Variants in GINS1 observed in about 807,000 individuals in gnomAD.
The protein encoded by GINS1 is GINS complex subunit 1, also known as DNA replication complex GINS protein PSF1.
Under a neutral mutation model 34.9 loss-of-function variants are expected in GINS1, and 26 were observed. The observed-to-expected ratio is 0.74, with a 90% CI of 0.55 to 1.03. GINS1 has a LOEUF of 1.03. Ranked by LOEUF, GINS1 falls within the 50% of genes least tolerant of loss-of-function variation. The pLI is 0.00. For missense variants in GINS1, 235 were observed against 237.9 expected (o/e 0.99, Z 0.08); for synonymous variants, 97 against 84.4 (o/e 1.15, Z -0.82).
chr20:25,444,530 T>C (rs954148770), intron 6 of GINS1, among the ~76,000 whole-genome samples: 1 of 152,196 alleles, frequency 6.6e-6, no homozygotes, highest in African/African-American at 2.4e-5. Flanking sequence ...CATGGGTCTC[T>C]TGCCAGGCCT....
Position 25,412,078 on chromosome 20 carries a change from A to G in GINS1, c.76-1712A>G, listed in dbSNP as rs1002136291. Among the ~76,000 whole-genome samples, 4 of 152,216 alleles carry G rather than the reference A, an allele frequency of 2.6e-5. No homozygotes were observed. The East Asian group carries it at 7.7e-4, about 29-fold the overall frequency. ...AGCTGAGATCGCACTACTGCACTCC[A>G]ACCTGGGCCACAGAGTGAGACTTCA... On this transcript the variant is annotated intron_variant, in intron 1 of 6. Transcript: ENST00000262460.
At chr20:25,418,321 G>A in intron 4 of GINS1, 126 bp downstream of exon 4, 1 of 671,218 alleles carries the variant, frequency 1.5e-6, no homozygotes, top group Non-Finnish European at 2.7e-6. Flanking sequence ...TTTTTGGCTG[G>A]TATTTAGTAT....
intron 1 of GINS1, chr20:25,413,475 T>A (rs1186455240): frequency 6.1e-5 from 15 of 247,662 alleles, no homozygotes; most frequent in Non-Finnish European, 2.3e-5. Context: ...ATGTGTTTTC[T>A]GTTTTCTTGA....
intron 5 of GINS1, among the ~76,000 whole-genome samples, chr20:25,432,320 T>C (rs960695143): frequency 6.6e-6 from 1 of 152,086 alleles, no homozygotes; most frequent in Admixed American, 6.5e-5. Context: ...TTCTTTCTTT[T>C]TTTTTTTTGA....
chr20:25,433,118 C>T (rs1019967392), intron 5 of GINS1, among the ~76,000 whole-genome samples: 12 of 151,894 alleles, frequency 7.9e-5, no homozygotes, highest in African/African-American at 2.9e-4. Flanking sequence ...TTTGTTTAAT[C>T]CATTCTGCTA....
chr20:25,417,159 C>A lies in GINS1; in HGVS notation c.196C>A (p.His66Asn). 6.2e-7 allele frequency: 1 copy of A among 1,600,706 alleles called. No homozygotes were observed. Among genetic ancestry groups the A allele is most frequent in the Non-Finnish European group, 8.6e-7 (1 of 1,168,304 alleles). The change falls in exon 3 of 7, where the codon CAC becomes AAC. Residue 66 changes from histidine to asparagine, a missense_variant. Coordinates refer to ENST00000262460, the MANE Select transcript of GINS1 (RefSeq NM_021067.5). Reference protein sequence around the residue: ...SDLIPTIKFRHCSLLRNRRCT... With the variant: ...SDLIPTIKFRNCSLLRNRRCT... ...TTTGATACCAACTATCAAATTTCGA[C>A]ACTGTTCTCTGTTAAGAAATCGACG...
intron 4 of GINS1, among the ~76,000 whole-genome samples, chr20:25,423,892 G>A (rs1198005830): frequency 6.6e-6 from 1 of 152,098 alleles, no homozygotes; most frequent in Non-Finnish European, 1.5e-5. Flanking sequence ...GGGATTACAG[G>A]CGTGAGCCAC....
chr20:25,444,809 G>A (rs767980308), intron 6 of GINS1, among the ~76,000 whole-genome samples: 9 of 152,174 alleles, frequency 5.9e-5, no homozygotes, highest in Non-Finnish European at 8.8e-5. Context: ...CAATACCTGG[G>A]TACCGGCATC....
chr20:25,435,916 C>T (rs1280605211), intron 5 of GINS1, among the ~76,000 whole-genome samples: 1 of 150,800 alleles, frequency 6.6e-6, no homozygotes, highest in Admixed American at 6.6e-5. Flanking sequence ...GGGTTCATGC[C>T]ATTCTCCTGC....
chr20:25,424,920 G>A (rs1030978322), intron 4 of GINS1, among the ~76,000 whole-genome samples: 2 of 152,108 alleles, frequency 1.3e-5, no homozygotes, highest in Non-Finnish European at 2.9e-5. Flanking sequence ...TTCTGAAATG[G>A]CGTCTTTTTC....
intron 6 of GINS1, 150 bp downstream of exon 6, chr20:25,441,926 C>A: frequency 4.2e-6 from 2 of 476,716 alleles, no homozygotes; most frequent in South Asian, 4.0e-5. Flanking sequence ...TGTACTTTTT[C>A]TGAATATTAA....
rs1384006195 is a variant in GINS1, at chr20:25,417,160, A to C, written c.197A>C (p.His66Pro). Residue 66 changes from histidine (H) to proline (P), a missense_variant, in exon 3 of 7, where the codon CAC becomes CCC. His to Pro is a moderately conservative substitution (Grantham distance 77). Transcript: ENST00000262460. ...SDLIPTIKFR[H>P]CSLLRNRRCT... is the part of the protein sequence containing the mutation. ...TTGATACCAACTATCAAATTTCGAC[A>C]CTGTTCTCTGTTAAGAAATCGACGC... 3.1e-6 allele frequency: 5 copies of C among 1,601,558 alleles called. No homozygotes were observed. The highest frequency in any genetic ancestry group is 4.3e-6 in the Non-Finnish European group (5 of 1,169,056).
chr20:25,434,021 T>C (rs1408313242), intron 5 of GINS1, among the ~76,000 whole-genome samples: 3 of 151,982 alleles, frequency 2.0e-5, no homozygotes, highest in Non-Finnish European at 4.4e-5. Context: ...GTGGCTCTTA[T>C]GCCTGTAATC....
At chr20:25,420,035 G>A (rs1336667760) in intron 4 of GINS1, among the ~76,000 whole-genome samples, 2 of 152,096 alleles carry the variant, frequency 1.3e-5, no homozygotes, top group Admixed American at 1.3e-4. Context: ...ATTTCATATT[G>A]GGCATTGTTT....
At position 25,413,779 on chromosome 20, in the gene GINS1, A is replaced by T; in HGVS notation, c.76-11A>T. 2 of 1,520,572 alleles carry T rather than the reference A, an allele frequency of 1.3e-6. No individual in the cohort carries two copies. Among genetic ancestry groups the T allele is most frequent in the Non-Finnish European group, 1.8e-6 (2 of 1,094,622 alleles). 94.2% of individuals were successfully genotyped at this position (1,520,572 alleles called of 1,614,324 possible). On this transcript the variant is annotated splice_polypyrimidine_tract_variant and intron_variant, in intron 1 of 6. Transcript: ENST00000262460. ...AATCAGTGGATTTCAATATCGGTTT[A>T]TATGTTCTAGGAGGATGGACTCAGA...
At position 25,407,706 on chromosome 20, in the gene GINS1, C is replaced by A; in HGVS notation, c.-115C>A. The A allele has an allele frequency of 1.2e-6, 1 of 817,640 alleles. No individual in the cohort carries two copies. Among genetic ancestry groups the A allele is most frequent in the Non-Finnish European group, 2.0e-6 (1 of 493,262 alleles). 50.6% of individuals were successfully genotyped at this position (817,640 alleles called of 1,614,324 possible). On this transcript the variant is annotated 5_prime_UTR_variant, in exon 1 of 7. Coordinates refer to ENST00000262460, the MANE Select transcript of GINS1 (RefSeq NM_021067.5). ...CCAAAGCGCGGAGCGGAGGCCGAGG[C>A]GAGAGCCTGGCGCTGTAGGACTAGA...
intron 1 of GINS1, among the ~76,000 whole-genome samples, chr20:25,410,572 T>C (rs921895570): frequency 6.6e-6 from 1 of 151,680 alleles, no homozygotes. Context: ...CTTTTTTTTA[T>C]TGTTTTGAGA....
intron 2 of GINS1, among the ~76,000 whole-genome samples, chr20:25,414,751 C>T (rs1029832766): frequency 6.6e-6 from 1 of 152,030 alleles, no homozygotes; most frequent in African/African-American, 2.4e-5. Context: ...TACATGGTTC[C>T]CACTGTTTAT....
At position 25,441,161 on chromosome 20, in the gene GINS1, A is replaced by G. The variant is rs1351413794; in HGVS notation, c.448-541A>G. On this transcript the variant is annotated intron_variant, in intron 5 of 6. Transcript: ENST00000262460. ...GGAACACCTTTGTAGTTGCAGAGGTAGATATCAGAATGCTACCACTCCTGA... is the reference window on the plus strand; with the variant it reads ...GGAACACCTTTGTAGTTGCAGAGGTGGATATCAGAATGCTACCACTCCTGA... Among the ~76,000 whole-genome samples the G allele has an allele frequency of 8.5e-5, 13 of 152,336 alleles. No individual in the cohort carries two copies. The East Asian group carries it at 2.5e-3, about 29-fold the overall frequency.
Sources: gnomAD v4.1 joint callset for allele counts (sites outside exome capture counted in the v4.1 genomes callset) on GRCh38, gnomAD v4.1.1 for gene constraint, MANE v1.5 for transcripts, NCBI Gene and HGNC (gene_info 2026-07-23, HGNC 2026-07-21) for gene names.